The following HERC4 variants were observed in gnomAD, a reference collection of about 807,000 sequenced individuals.
The protein encoded by HERC4 is HECT and RLD domain containing E3 ubiquitin protein ligase 4, also known as probable E3 ubiquitin-protein ligase HERC4.
HERC4 carries 28 observed loss-of-function variants against 124.3 expected under a neutral mutation model. That is an observed-to-expected ratio of 0.23 (90% CI 0.17 to 0.31). The LOEUF is 0.31. Among genes scored for constraint, HERC4 ranks in the 10% least tolerant of loss-of-function variants. HERC4 has a pLI of 1.00. For synonymous variants in HERC4, 407 were observed against 421.5 expected, an observed-to-expected ratio of 0.97 and a Z score of 0.42; for missense variants, 713 against 1,229.3, an observed-to-expected ratio of 0.58 and a Z score of 6.28.
chr10:67,980,334 T>A (rs565494260), intron 15 of HERC4, among the ~76,000 whole-genome samples: 2 of 152,092 alleles, frequency 1.3e-5, no homozygotes, highest in Non-Finnish European at 2.9e-5. Context: ...GGTTTCTCCA[T>A]GTTGGTCAGG....
At chr10:68,021,363 C>G (rs1447493254) in intron 8 of HERC4, among the ~76,000 whole-genome samples, 1 of 152,106 alleles carries the variant, frequency 6.6e-6, no homozygotes, top group African/African-American at 2.4e-5. Context: ...ATCAAATTAA[C>G]AGATTGAAGG....
intron 3 of HERC4, among the ~76,000 whole-genome samples, chr10:68,054,284 A>AT (rs925209818): frequency 2.2e-4 from 33 of 151,164 alleles, no homozygotes; most frequent in Admixed American, 6.0e-4. Flanking sequence ...GTTTTTTATA[A>AT]TTTTTTTTTC....
In HERC4 at chr10:67,955,015, G is replaced by C. The variant is rs2034052299; in HGVS notation, c.2141C>G (p.Ala714Gly). Reference protein sequence around the residue: ...VVRRENIVGDAMEVLRKTKNI... With the variant: ...VVRRENIVGDGMEVLRKTKNI... ...CTTTGTTTTCCTAAGGACTTCCATT[G>C]CATCTCCTACAATATTTTCTCTACG... Residue 714 changes from alanine (A) to glycine (G), a missense_variant, in exon 18 of 25, where the codon GCA becomes GGA. Coordinates refer to ENST00000373700, the MANE Select transcript of HERC4 (RefSeq NM_015601.4). 7 of 1,600,198 alleles carry C rather than the reference G, an allele frequency of 4.4e-6. No homozygotes were observed. Among genetic ancestry groups the C allele is most frequent in the South Asian group, 1.1e-5 (1 of 88,886 alleles).
At chr10:68,004,698 T>G (rs2037434673) in intron 9 of HERC4, among the ~76,000 whole-genome samples, 1 of 152,202 alleles carries the variant, frequency 6.6e-6, no homozygotes, top group Admixed American at 6.5e-5. Flanking sequence ...AGGAGACTTA[T>G]AATCATGGCA....
chr10:67,987,321 GA>G (rs572135717), intron 15 of HERC4, among the ~76,000 whole-genome samples: 39 of 151,392 alleles, frequency 2.6e-4, no homozygotes, highest in Non-Finnish European at 5.3e-4. Flanking sequence ...ACACAGCTAA[GA>G]AAAAAAAGTA....
chr10:67,946,346 CAAA>C (rs2033335252), intron 19 of HERC4, among the ~76,000 whole-genome samples: 1 of 110,110 alleles, frequency 9.1e-6, no homozygotes, highest in Non-Finnish European at 1.8e-5. Context: ...GGATAAAACA[CAAA>C]CACACACACA....
At chr10:67,936,320 T>A in intron 21 of HERC4, 85 bp from the exon 22 acceptor site, 2 of 711,052 alleles carry the variant, frequency 2.8e-6, no homozygotes, top group Non-Finnish European at 4.3e-6. Flanking sequence ...TTCTCTCATT[T>A]AATTAAAAAA....
chr10:68,012,675 T>C (rs1223590225), intron 9 of HERC4, among the ~76,000 whole-genome samples: 1 of 152,114 alleles, frequency 6.6e-6, no homozygotes, highest in African/African-American at 2.4e-5. Flanking sequence ...ACACAGAAGT[T>C]TTGAAATACT....
chr10:67,965,421 G>A (rs2034802795), intron 16 of HERC4: 1 of 151,758 alleles, frequency 6.6e-6, no homozygotes, highest in Non-Finnish European at 1.5e-5. Flanking sequence ...GATTCTCATT[G>A]TTTGTTGAAT....
At chr10:67,930,351 T>A (rs1225355503) in intron 23 of HERC4, among the ~76,000 whole-genome samples, 5 of 152,206 alleles carry the variant, frequency 3.3e-5, no homozygotes, top group Non-Finnish European at 7.3e-5. Flanking sequence ...CCACCAACCA[T>A]CTCCAGAATT....
At chr10:67,927,717 G>A (rs117911144) in intron 23 of HERC4, among the ~76,000 whole-genome samples, 11,439 of 151,916 alleles carry the variant, frequency 0.075, 1,117 homozygotes, top group African/African-American at 0.23. Flanking sequence ...GAGCCACTGC[G>A]CCCGGCCGCT....
At chr10:68,026,405 T>G (rs2038903189) in intron 7 of HERC4, among the ~76,000 whole-genome samples, 1 of 149,972 alleles carries the variant, frequency 6.7e-6, no homozygotes, top group Non-Finnish European at 1.5e-5. Context: ...CTTATAGAAA[T>G]TTTTAGCATA....
intron 5 of HERC4, among the ~76,000 whole-genome samples, chr10:68,036,529 T>C (rs570720057): frequency 5.9e-5 from 9 of 152,270 alleles, no homozygotes; most frequent in Admixed American, 2.6e-4. Flanking sequence ...TAACTGCCTA[T>C]AGAAGTCCAA....
chr10:68,063,208 T>C (rs1222160260), intron 3 of HERC4, among the ~76,000 whole-genome samples: 2 of 152,194 alleles, frequency 1.3e-5, no homozygotes, highest in Non-Finnish European at 2.9e-5. Flanking sequence ...TTTATTTATT[T>C]ACTTTATTAT....
chr10:67,968,007 C>A (rs1358350593), intron 15 of HERC4, among the ~76,000 whole-genome samples: 1 of 151,978 alleles, frequency 6.6e-6, no homozygotes, highest in Non-Finnish European at 1.5e-5. Context: ...CTCTTCCTGG[C>A]ACTAACAATT....
intron 8 of HERC4, among the ~76,000 whole-genome samples, chr10:68,022,238 G>A (rs962829255): frequency 2.0e-5 from 3 of 152,232 alleles, no homozygotes; most frequent in South Asian, 2.1e-4. Context: ...GGGGGCTCAC[G>A]CCTGTAATCC....
chr10:67,947,325 T>C (rs545481591), intron 19 of HERC4, among the ~76,000 whole-genome samples: 2 of 152,196 alleles, frequency 1.3e-5, no homozygotes, highest in South Asian at 4.1e-4. Context: ...AGAGAAACTA[T>C]ACTAAGACAA....
rs1156260703 is a variant in HERC4, at chr10:67,966,711, T to G, written c.1898A>C (p.Asn633Thr). 1.2e-6 allele frequency: 2 copies of G among 1,610,546 alleles called. No homozygotes were observed. The highest frequency in any genetic ancestry group is 1.7e-5 in the Admixed American group (1 of 59,592). Residue 633 changes from asparagine (N) to threonine (T), a missense_variant, in exon 16 of 25, where the codon AAC (asparagine) becomes ACC (threonine). Transcript: ENST00000373700. ...ELIDIRNDYI[N>T]WVQQQAYGML... ...TCCATAGGCCTGCTGTTGGACCCAG[T>G]TGATATAATCATTTCTTATGTCTAT...
intron 9 of HERC4, among the ~76,000 whole-genome samples, chr10:68,013,495 T>C (rs1440777988): frequency 1.3e-5 from 2 of 152,200 alleles, no homozygotes; most frequent in Non-Finnish European, 2.9e-5. Flanking sequence ...CACTACTATA[T>C]GATTCCACTT....
Sources: allele counts gnomAD v4.1 joint callset (sites outside exome capture counted in the v4.1 genomes callset), GRCh38; gene constraint gnomAD v4.1.1; transcripts MANE v1.5; gene names NCBI Gene and HGNC (gene_info 2026-07-23, HGNC 2026-07-21).